ROBO2: variants seen among roughly 807,000 people sequenced by gnomAD.
ROBO2 encodes roundabout homolog 2.
Under a neutral mutation model 160.8 loss-of-function variants are expected in ROBO2, and 53 were observed. The ratio of observed to expected loss-of-function variants is 0.33; its 90% CI spans 0.26 to 0.41. ROBO2 has a LOEUF of 0.41. ROBO2 is among the 10% of genes least tolerant of loss of function. The probability of loss-of-function intolerance (pLI) is 1.00; values close to 1 mark genes in which losing one functional copy is unlikely to be tolerated. For missense variants in ROBO2, 1,577 were observed against 1,722.4 expected, an observed-to-expected ratio of 0.92 and a Z score of 1.49; for synonymous variants, 664 against 611.7, an observed-to-expected ratio of 1.09 and a Z score of -1.26.
chr3:77,024,789 T>C (rs757753406), intron 2 of ROBO2, among the ~76,000 whole-genome samples: 7 of 152,204 alleles, frequency 4.6e-5, no homozygotes, highest in Non-Finnish European at 8.8e-5. Context: ...CATTTTCGAA[T>C]GTTAACTATT....
rs2067405299 is a variant in ROBO2 at position 77,071,476 on chromosome 3, CCTT to C, written c.62-26533_62-26531del. Among the ~76,000 whole-genome samples, 24 of 152,272 alleles carry C rather than the reference CCTT, an allele frequency of 1.6e-4. No homozygotes were observed. In the South Asian group the frequency reaches 5.0e-3, roughly 32 times the overall value. On this transcript the variant is annotated intron_variant, in intron 1 of 25. Transcript: ENST00000461745. ...CTATGCCTAGAAAATAAGAAAAACACCTTCTTCCCCATTCGCAAAACTCATAAA... is the reference window on the plus strand; with the variant it reads ...CTATGCCTAGAAAATAAGAAAAACACCTTCCCCATTCGCAAAACTCATAAA...
intron 1 of ROBO2, among the ~76,000 whole-genome samples, chr3:75,932,025 G>A (rs748151741): frequency 6.6e-6 from 1 of 152,056 alleles, no homozygotes; most frequent in Non-Finnish European, 1.5e-5. Flanking sequence ...GTTTCTCAAC[G>A]TATATTAATG....
intron 9 of ROBO2, among the ~76,000 whole-genome samples, chr3:77,559,279 A>G (rs999411156): frequency 6.6e-6 from 1 of 152,138 alleles, no homozygotes; most frequent in Non-Finnish European, 1.5e-5. Flanking sequence ...CAGGTGAGGG[A>G]TTACACAAGA....
intron 2 of ROBO2, among the ~76,000 whole-genome samples, chr3:76,138,167 A>C (rs1353758567): frequency 6.6e-6 from 1 of 152,022 alleles, no homozygotes; most frequent in Non-Finnish European, 1.5e-5. Context: ...CCAAAAACTC[A>C]TAAAAATGTG....
intron 1 of ROBO2, among the ~76,000 whole-genome samples, chr3:75,931,511 C>G (rs1947534054): frequency 6.6e-6 from 1 of 152,090 alleles, no homozygotes; most frequent in Admixed American, 6.6e-5. Context: ...ACCACTACAC[C>G]TGGCTAACTG....
At chr3:76,422,599 G>C (rs1053455394) in intron 2 of ROBO2, among the ~76,000 whole-genome samples, 3 of 152,140 alleles carry the variant, frequency 2.0e-5, no homozygotes, top group African/African-American at 7.2e-5. Flanking sequence ...CTATAAAAGA[G>C]TTGTTTCGTC....
chr3:76,382,314 C>T (rs536028910), intron 2 of ROBO2, among the ~76,000 whole-genome samples: 1 of 152,156 alleles, frequency 6.6e-6, no homozygotes, highest in Admixed American at 6.5e-5. Flanking sequence ...CTTGGCTGGG[C>T]GCGGTGACTC....
intron 2 of ROBO2, among the ~76,000 whole-genome samples, chr3:76,982,590 C>T (rs1206600005): frequency 6.6e-6 from 1 of 152,048 alleles, no homozygotes; most frequent in African/African-American, 2.4e-5. Context: ...TTAAGATTTA[C>T]TTGACAGTTT....
At chr3:76,212,101 AT>A (rs985104766) in intron 2 of ROBO2, among the ~76,000 whole-genome samples, 1 of 152,020 alleles carries the variant, frequency 6.6e-6, no homozygotes, top group African/African-American at 2.4e-5. Flanking sequence ...GAATTATTCA[AT>A]TATGTATGTT....
At chr3:77,266,977 A>G (rs2059163866) in intron 2 of ROBO2, among the ~76,000 whole-genome samples, 1 of 152,052 alleles carries the variant, frequency 6.6e-6, no homozygotes, top group African/African-American at 2.4e-5. Context: ...GAGCTGTTCC[A>G]ATATTTATTT....
intron 2 of ROBO2, among the ~76,000 whole-genome samples, chr3:76,572,162 A>AGCAGG (rs1326462201): frequency 2.6e-5 from 4 of 152,164 alleles, no homozygotes; most frequent in African/African-American, 9.6e-5. Flanking sequence ...GAATCCTTTT[A>AGCAGG]GCAGGGCAGT....
chr3:76,100,841 T>C (rs556173313), intron 2 of ROBO2, among the ~76,000 whole-genome samples: 1 of 152,308 alleles, frequency 6.6e-6, no homozygotes, highest in South Asian at 2.1e-4. Context: ...AATACTGGGT[T>C]AAGTTCTCCT....
At chr3:76,949,684 G>T (rs1271666654) in intron 2 of ROBO2, among the ~76,000 whole-genome samples, 3 of 152,130 alleles carry the variant, frequency 2.0e-5, no homozygotes, top group African/African-American at 7.2e-5. Flanking sequence ...GTAATGGAAC[G>T]AGCTTGTTTA....
At chr3:77,146,839 G>A (rs527776460) in intron 2 of ROBO2, among the ~76,000 whole-genome samples, 129 of 152,162 alleles carry the variant, frequency 8.5e-4, no homozygotes, top group African/African-American at 2.9e-3. Flanking sequence ...GTGGTGGCAC[G>A]CGCCTGCAGT....
chr3:76,967,069 A>T (rs1321516746), intron 2 of ROBO2, among the ~76,000 whole-genome samples: 1 of 152,158 alleles, frequency 6.6e-6, no homozygotes. Context: ...CTCAAATCTC[A>T]CATCAAACTT....
chr3:77,549,748 A>G (rs2092842647), intron 7 of ROBO2, among the ~76,000 whole-genome samples: 1 of 152,020 alleles, frequency 6.6e-6, no homozygotes, highest in African/African-American at 2.4e-5. Context: ...CATTGGTATT[A>G]CTTCAAGGGT....
At chr3:76,915,245 A>G (rs1277107907) in intron 2 of ROBO2, among the ~76,000 whole-genome samples, 2 of 152,100 alleles carry the variant, frequency 1.3e-5, no homozygotes, top group East Asian at 1.9e-4. Context: ...CAAATAATTC[A>G]CTGTGAAATA....
At chr3:76,030,937 A>G (rs138523520) in intron 2 of ROBO2, among the ~76,000 whole-genome samples, 511 of 152,260 alleles carry the variant, frequency 3.4e-3, no homozygotes, top group African/African-American at 0.012. Context: ...GATGGCACTG[A>G]ATCTATAAAT....
chr3:76,103,915 G>A (rs146015546), intron 2 of ROBO2, among the ~76,000 whole-genome samples: 76 of 152,312 alleles, frequency 5.0e-4, no homozygotes, highest in African/African-American at 1.7e-3. Context: ...ACGAGCCCCA[G>A]TGAACATAAA....
Sources: gnomAD v4.1 joint callset for allele counts (sites outside exome capture counted in the v4.1 genomes callset) on GRCh38, gnomAD v4.1.1 for gene constraint, MANE v1.5 for transcripts, NCBI Gene and HGNC (gene_info 2026-07-23, HGNC 2026-07-21) for gene names.